TPR: variants seen among roughly 807,000 people sequenced by gnomAD.
The protein encoded by TPR is nucleoprotein TPR.
In TPR, 51 loss-of-function variants were observed where a neutral mutation model predicts 316.1. The observed-to-expected ratio is 0.16, with a 90% CI of 0.13 to 0.20. The LOEUF (loss-of-function observed/expected upper bound fraction) is 0.20, where lower values mean the gene tolerates loss of function less well. TPR is among the 10% of genes least tolerant of loss of function. TPR has a pLI of 1.00. For synonymous variants in TPR, 981 were observed against 914.7 expected (o/e 1.07, Z -1.31); for missense variants, 2,272 against 2,754.8 (o/e 0.82, Z 3.92).
intron 10 of TPR, 50 bp downstream of exon 10, chr1:186,360,715 T>A (rs756127601): frequency 6.2e-7 from 1 of 1,603,238 alleles, no homozygotes; most frequent in South Asian, 1.1e-5. Context: ...GACTTTTATG[T>A]AGGAAAGCTG....
At chr1:186,368,078 T>C in intron 3 of TPR, 96 bp from the exon 4 acceptor site, 1 of 719,228 alleles carries the variant, frequency 1.4e-6, no homozygotes, top group East Asian at 2.7e-5. Flanking sequence ...AGCTGTAGTG[T>C]AAATGACTGG....
rs765843977 is a variant in TPR, at chr1:186,312,236, G to A, written c.*1735C>T. On this transcript the variant is annotated 3_prime_UTR_variant, in exon 51 of 51. Transcript: ENST00000367478. The stretch of plus-strand genomic sequence containing the variant: ...CTGTACAGAAGTGCCCTGGAAGAAG[G>A]CCTGCTCTAAATTATCCAGTGTATG... The A allele has an allele frequency of 1.2e-6, 2 of 1,614,042 alleles. No homozygotes were observed. The highest frequency in any genetic ancestry group is 3.3e-5 in the Admixed American group (2 of 60,026).
intron 45 of TPR, among the ~76,000 whole-genome samples, chr1:186,321,421 T>A (rs540401861): frequency 3.0e-4 from 46 of 152,336 alleles, no homozygotes; most frequent in African/African-American, 1.1e-3. Flanking sequence ...AGAGGAGTGG[T>A]ATAGCACAAC....
Position 186,351,390 on chromosome 1 carries a change from A to G in TPR, c.2550T>C (p.His850=). 6.2e-7 allele frequency: 1 copy of G among 1,612,652 alleles called. No individual in the cohort carries two copies. Among genetic ancestry groups the G allele is most frequent in the Non-Finnish European group, 8.5e-7 (1 of 1,179,396 alleles). Residue 850 remains histidine, a synonymous_variant, in exon 20 of 51, where the codon CAT becomes CAC. Transcript: ENST00000367478. ...CCTCATTTTCCAACTTCTTCTTTAGATGAGAGATCTCATGTTCCAGTTTTT... is the reference window on the plus strand; with the variant it reads ...CCTCATTTTCCAACTTCTTCTTTAGGTGAGAGATCTCATGTTCCAGTTTTT... ...QIEKLEHEIS[H]LKKKLENEVE... is the part of the protein sequence containing the mutation.
chr1:186,332,954 T>C (rs1166419876), intron 37 of TPR, among the ~76,000 whole-genome samples, 168 bp downstream of exon 37: 1 of 152,154 alleles, frequency 6.6e-6, no homozygotes, highest in Non-Finnish European at 1.5e-5. Flanking sequence ...AAAGCATGTA[T>C]GCACAAAGAA....
At position 186,313,771 on chromosome 1, in the gene TPR, G is replaced by GTCCT. The variant is rs1232664776; in HGVS notation, c.*196_*199dup. 6.3e-7 allele frequency: 1 copy of GTCCT among 1,599,268 alleles called. No individual in the cohort carries two copies. The highest frequency in any genetic ancestry group is 1.3e-5 in the African/African-American group (1 of 74,554). ...ACCTTATCCAAAGTCTGGTACAACTGTCCTTAGACTGATGAGCAAAGGAGG... is the reference window on the plus strand; with the variant it reads ...ACCTTATCCAAAGTCTGGTACAACTGTCCTTCCTTAGACTGATGAGCAAAGGAGG... On this transcript the variant is annotated 3_prime_UTR_variant, in exon 51 of 51. Transcript: ENST00000367478.
chr1:186,314,420 A>C, intron 50 of TPR: 1 of 377,434 alleles, frequency 2.6e-6, no homozygotes, highest in Admixed American at 4.2e-5. Flanking sequence ...AATATAAAAT[A>C]TAAGCACATA....
chr1:186,341,280 T>A lies in TPR; in HGVS notation c.3860A>T (p.Glu1287Val), dbSNP rs1054109630. The A allele has an allele frequency of 1.9e-6, 3 of 1,613,960 alleles. No individual in the cohort carries two copies. In the African/African-American group the frequency reaches 4.0e-5, roughly 22 times the overall value. ...TGCTTGCATTTGCTGTAGATCCTGT[T>A]CTAGTCTCTCCTTCTCTTCTCTTAG... is the stretch of plus-strand genomic sequence containing the variant. ...KMLREEKERL[E>V]QDLQQMQAKV... The change falls in exon 28 of 51, where the codon GAA becomes GTA. Residue 1287 changes from glutamate to valine, a missense_variant. Glu to Val is a moderately radical substitution (Grantham distance 121). This residue lies in a region of TPR where 757 missense variants were observed against 859.8 expected (regional missense o/e 0.88). Transcript: ENST00000367478.
chr1:186,313,778 G>C lies in TPR; in HGVS notation c.*193C>G. ...CCAAAGTCTGGTACAACTGTCCTTA[G>C]ACTGATGAGCAAAGGAGGAGTCAAC... On this transcript the variant is annotated 3_prime_UTR_variant, in exon 51 of 51. Coordinates refer to ENST00000367478, the MANE Select transcript of TPR (RefSeq NM_003292.3). The C allele has an allele frequency of 6.3e-7, 1 of 1,593,008 alleles. No homozygotes were observed. The highest frequency in any genetic ancestry group is 8.6e-7 in the Non-Finnish European group (1 of 1,160,972).
rs910950160 is a variant in TPR, at chr1:186,356,586, G to A, written c.1725-137C>T. 32 of 817,316 alleles carry A rather than the reference G, an allele frequency of 3.9e-5. No homozygotes were observed. The Middle Eastern group carries it at 1.0e-3, about 27-fold the overall frequency. The allele number at this position is 817,316 out of a possible 1,614,324, so 50.6% of individuals were successfully genotyped here. A position where few individuals can be genotyped will look rare whatever the true frequency, so the allele number is the denominator to read the frequency against. ...CTCTCTCATTATTTTTTTTCATGCT[G>A]AGTATTTTATGAACTACTTTTTAAA... On this transcript the variant is annotated intron_variant, in intron 14 of 50. Coordinates refer to ENST00000367478, the MANE Select transcript of TPR (RefSeq NM_003292.3).
At chr1:186,356,217 A>G in intron 15 of TPR, 69 bp downstream of exon 15, 1 of 1,389,820 alleles carries the variant, frequency 7.2e-7, no homozygotes, top group South Asian at 1.6e-5. Flanking sequence ...GCTATTGCTT[A>G]TGTTGCAAAA....
intron 5 of TPR, 77 bp downstream of exon 5, chr1:186,363,265 C>A: frequency 8.1e-7 from 1 of 1,230,504 alleles, no homozygotes; most frequent in Admixed American, 2.2e-5. Context: ...TACTTTATTG[C>A]CTATATTTGA....
intron 4 of TPR, among the ~76,000 whole-genome samples, chr1:186,366,738 C>T (rs1403637630): frequency 6.6e-6 from 1 of 152,072 alleles, no homozygotes; most frequent in Non-Finnish European, 1.5e-5. Context: ...CCTTAATTTT[C>T]CTGATATATA....
At position 186,313,933 on chromosome 1, in the gene TPR, G is replaced by T; in HGVS notation, c.*38C>A. On this transcript the variant is annotated 3_prime_UTR_variant, in exon 51 of 51. Coordinates refer to ENST00000367478, the MANE Select transcript of TPR (RefSeq NM_003292.3). ...ACAATCATTACACTAAAACAGATTT[G>T]ATAATCTTATTCACAGTTGTTATTG... The T allele has an allele frequency of 6.3e-7, 1 of 1,594,928 alleles. No homozygotes were observed. Among genetic ancestry groups the T allele is most frequent in the South Asian group, 1.1e-5 (1 of 90,276 alleles).
rs1181323268 is a variant in TPR, at chr1:186,311,989, A to T, written c.*1982T>A. ...GTAATTTGCTGCATCTATTCATTCA[A>T]CAAGTATTTCAGTTTAATAATTATT... On this transcript the variant is annotated 3_prime_UTR_variant, in exon 51 of 51. Coordinates refer to ENST00000367478, the MANE Select transcript of TPR (RefSeq NM_003292.3). The T allele has an allele frequency of 1.7e-6, 1 of 586,490 alleles. No homozygotes were observed. The highest frequency in any genetic ancestry group is 3.0e-6 in the Non-Finnish European group (1 of 337,076). 36.3% of individuals were successfully genotyped at this position (586,490 alleles called of 1,614,324 possible).
At chr1:186,362,476 C>T (rs1659225730) in intron 6 of TPR, 96 bp from the exon 7 acceptor site, 1 of 870,774 alleles carries the variant, frequency 1.1e-6, no homozygotes, top group Non-Finnish European at 1.8e-6. Flanking sequence ...CTAAGTAACT[C>T]CCCCTCCCCA....
At chr1:186,370,129 T>C (rs536625224) in intron 3 of TPR, among the ~76,000 whole-genome samples, 1 of 152,286 alleles carries the variant, frequency 6.6e-6, no homozygotes, top group African/African-American at 2.4e-5. Context: ...AAAACTTGAA[T>C]ATGTGGCTAT....
chr1:186,368,688 C>G (rs1326664031), intron 3 of TPR, among the ~76,000 whole-genome samples: 3 of 152,230 alleles, frequency 2.0e-5, no homozygotes, highest in Non-Finnish European at 4.4e-5. Flanking sequence ...ATATCTATCT[C>G]AAGCTACCTA....
Position 186,337,131 on chromosome 1 carries a change from G to A in TPR, c.4388C>T (p.Ser1463Phe), listed in dbSNP as rs1658361930. ...DKVMETSAQS[S>F]GDHQEQHVSV... ...AACATGCTGCTCCTGATGGTCTCCA[G>A]AGGACTGAGCCGATGTCTCCATAAC... Residue 1463 changes from serine (S) to phenylalanine (F), a missense_variant, in exon 32 of 51, where the codon TCT becomes TTT. Coordinates refer to ENST00000367478, the MANE Select transcript of TPR (RefSeq NM_003292.3). 1 of 1,613,778 alleles carries A rather than the reference G, an allele frequency of 6.2e-7. No homozygotes were observed. The highest frequency in any genetic ancestry group is 8.5e-7 in the Non-Finnish European group (1 of 1,179,774).
Sources: gnomAD v4.1 joint callset for allele counts (sites outside exome capture counted in the v4.1 genomes callset) on GRCh38, gnomAD v4.1.1 for gene constraint, gnomAD v4.1.1 regional missense constraint, MANE v1.5 for transcripts, NCBI Gene and HGNC (gene_info 2026-07-23, HGNC 2026-07-21) for gene names.